Variants in NT5C2 observed in about 807,000 individuals in gnomAD.
NT5C2 encodes the protein cytosolic purine 5'-nucleotidase.
Under a neutral mutation model 76.1 loss-of-function variants are expected in NT5C2, and 58 were observed. That is an observed-to-expected ratio of 0.76 (90% CI 0.62 to 0.95). The LOEUF (loss-of-function observed/expected upper bound fraction) is 0.95, where lower values mean the gene tolerates loss of function less well. Ranked by LOEUF, NT5C2 falls within the 40% of genes least tolerant of loss-of-function variation. NT5C2 has a pLI of 0.00. For synonymous variants in NT5C2, 229 were observed against 237.4 expected (o/e 0.96, Z 0.32); for missense variants, 478 against 690.3 (o/e 0.69, Z 3.45).
chr10:103,153,594 C>G (rs890835421), intron 3 of NT5C2: 25 of 985,196 alleles, frequency 2.5e-5, no homozygotes, highest in Non-Finnish European at 2.9e-5. Context: ...GGAGACAATC[C>G]AAATGGCAAG....
chr10:103,099,799 T>C (rs2069096486), intron 9 of NT5C2, 127 bp downstream of exon 9: 2 of 587,322 alleles, frequency 3.4e-6, no homozygotes, highest in Non-Finnish European at 6.0e-6. Flanking sequence ...GGGCTATCAC[T>C]AGGCGGGGGC....
chr10:103,141,084 C>T (rs78436955), intron 3 of NT5C2, among the ~76,000 whole-genome samples: 2,573 of 152,206 alleles, frequency 0.017, 64 homozygotes, highest in South Asian at 0.12. Context: ...AAATCACTGC[C>T]GAGACCAAGG....
intron 12 of NT5C2, among the ~76,000 whole-genome samples, chr10:103,094,981 T>C (rs1454300349): frequency 6.6e-6 from 1 of 150,668 alleles, no homozygotes; most frequent in Non-Finnish European, 1.5e-5. Flanking sequence ...ATTCTATACA[T>C]TAAATCATTT....
At chr10:103,138,144 T>G (rs732998) in intron 4 of NT5C2, among the ~76,000 whole-genome samples, 1 of 152,112 alleles carries the variant, frequency 6.6e-6, no homozygotes, top group African/African-American at 2.4e-5. Context: ...ATATTTGTCA[T>G]GGAGTTTCAA....
intron 4 of NT5C2, among the ~76,000 whole-genome samples, chr10:103,118,063 G>A (rs1004284926): frequency 2.0e-5 from 3 of 152,114 alleles, no homozygotes; most frequent in African/African-American, 7.2e-5. Flanking sequence ...TATCTATTTG[G>A]AAGCATATTT....
At chr10:103,178,119 A>C (rs184664270) in intron 2 of NT5C2, among the ~76,000 whole-genome samples, 74 of 152,268 alleles carry the variant, frequency 4.9e-4, no homozygotes, top group African/African-American at 1.7e-3. Flanking sequence ...CATTCTTTCT[A>C]ATGACTGAAT....
chr10:103,105,977 A>G (rs1267575510), intron 5 of NT5C2, among the ~76,000 whole-genome samples, 176 bp from the exon 6 acceptor site: 1 of 152,212 alleles, frequency 6.6e-6, no homozygotes, highest in Non-Finnish European at 1.5e-5. Context: ...TAAAGCAACT[A>G]AAAAATATTG....
intron 10 of NT5C2, chr10:103,098,391 T>C (rs2068722223): frequency 4.6e-6 from 1 of 217,128 alleles, no homozygotes; most frequent in Non-Finnish European, 9.0e-6. Flanking sequence ...GTTAAAGGCA[T>C]TTTAAATAAC....
intron 3 of NT5C2, among the ~76,000 whole-genome samples, chr10:103,162,635 T>G (rs1365879116): frequency 6.6e-6 from 1 of 152,164 alleles, no homozygotes; most frequent in Non-Finnish European, 1.5e-5. Context: ...GAAAACTATT[T>G]TGCGGTATCT....
chr10:103,092,819 GA>G (rs2067250820), intron 15 of NT5C2, among the ~76,000 whole-genome samples: 2 of 152,172 alleles, frequency 1.3e-5, no homozygotes, highest in South Asian at 4.1e-4. Flanking sequence ...CATGGTTGGG[GA>G]AATATGGGAC....
intron 1 of NT5C2, among the ~76,000 whole-genome samples, chr10:103,184,654 T>C (rs1421615364): frequency 6.6e-6 from 1 of 152,212 alleles, no homozygotes; most frequent in Non-Finnish European, 1.5e-5. Flanking sequence ...CCTATTTTTG[T>C]GTAAGCCTGA....
At position 103,089,639 on chromosome 10, in the gene NT5C2, T is replaced by C; in HGVS notation, c.*33A>G. Reference sequence around the variant, plus strand: ...TTCCTGTGAGTCCTGCCAGGACTTGTTTAATGGGTGCTTGGGGTTTTGGTT... The same window carrying C: ...TTCCTGTGAGTCCTGCCAGGACTTGCTTAATGGGTGCTTGGGGTTTTGGTT... On this transcript the variant is annotated 3_prime_UTR_variant, in exon 19 of 19. Coordinates refer to ENST00000404739, the MANE Select transcript of NT5C2 (RefSeq NM_001351169.2). 6.4e-7 allele frequency: 1 copy of C among 1,552,586 alleles called. No homozygotes were observed.
Position 103,090,597 on chromosome 10 carries a change from C to T in NT5C2, c.1449+14G>A. 1.2e-6 allele frequency: 2 copies of T among 1,607,862 alleles called. No homozygotes were observed. The highest frequency in any genetic ancestry group is 1.7e-6 in the Non-Finnish European group (2 of 1,176,606). ...TAGAGTACATCTTGGCTGTCCATTA[C>T]AGCTTTAACTCACCAAGACATGGGC... is the stretch of plus-strand genomic sequence containing the variant. On this transcript the variant is annotated intron_variant, in intron 18 of 18. Coordinates refer to ENST00000404739, the MANE Select transcript of NT5C2 (RefSeq NM_001351169.2).
chr10:103,125,426 G>A (rs1272719342), intron 4 of NT5C2: 6 of 251,232 alleles, frequency 2.4e-5, no homozygotes, highest in South Asian at 9.5e-5. Flanking sequence ...TTGTGGTGGC[G>A]TGGAAAGATG....
At chr10:103,092,482 C>T (rs1051557316) in intron 15 of NT5C2, among the ~76,000 whole-genome samples, 1 of 152,190 alleles carries the variant, frequency 6.6e-6, no homozygotes, top group African/African-American at 2.4e-5. Context: ...TAACGGCATG[C>T]AGATTTCAAG....
Position 103,088,342 on chromosome 10 carries a change from G to A in NT5C2, c.*1330C>T, listed in dbSNP as rs536447923. ...TTAATACCCTAACATACACAGTAAT[G>A]ATTCATTCTTGTTTAAAACAAGAGG... On this transcript the variant is annotated 3_prime_UTR_variant, in exon 19 of 19. Coordinates refer to ENST00000404739, the MANE Select transcript of NT5C2 (RefSeq NM_001351169.2). 6.6e-6 allele frequency: 1 copy of A among 152,330 alleles called. No individual in the cohort carries two copies. The highest frequency in any genetic ancestry group is 3.4e-3 in the Middle Eastern group (1 of 294). 9.4% of individuals were successfully genotyped at this position (152,330 alleles called of 1,614,324 possible).
chr10:103,153,374 C>CTACA, intron 3 of NT5C2: 1 of 1,229,714 alleles, frequency 8.1e-7, no homozygotes. Context: ...CTCTTGAGAA[C>CTACA]TGTAGCTCAT....
rs184432790 is a variant in NT5C2, at chr10:103,178,165, T to C, written c.-25+3020A>G. Among the ~76,000 whole-genome samples the C allele has an allele frequency of 7.9e-5, 12 of 152,350 alleles. No homozygotes were observed. In the East Asian group the frequency reaches 1.9e-3, roughly 24 times the overall value. ...TGTGCAGGCGCAACTGGCTCTCCTT[T>C]TGTGGAAAAGTGAACTTAATCCACA... On this transcript the variant is annotated intron_variant, in intron 2 of 18. Transcript: ENST00000404739.
intron 3 of NT5C2, among the ~76,000 whole-genome samples, chr10:103,167,172 C>T (rs1169197889): frequency 6.6e-6 from 1 of 152,000 alleles, no homozygotes; most frequent in Non-Finnish European, 1.5e-5. Flanking sequence ...CCCGCCACCA[C>T]ACCTGGCTAA....
Sources: gnomAD v4.1 joint callset for allele counts (sites outside exome capture counted in the v4.1 genomes callset) on GRCh38, gnomAD v4.1.1 for gene constraint, MANE v1.5 for transcripts, NCBI Gene and HGNC (gene_info 2026-07-23, HGNC 2026-07-21) for gene names.